CLDN16: variants seen among roughly 807,000 people sequenced by gnomAD.
CLDN16 encodes claudin-16.
In CLDN16, 13 loss-of-function variants were observed where a neutral mutation model predicts 24.6. The observed-to-expected ratio is 0.53, with a 90% CI of 0.34 to 0.84. The LOEUF is 0.84. CLDN16 is among the 40% of genes least tolerant of loss of function. The pLI is 0.01. For synonymous variants in CLDN16, 116 were observed against 106.7 expected (o/e 1.09, Z -0.54); for missense variants, 298 against 292.7 (o/e 1.02, Z -0.13).
the CLDN16 span, among the ~76,000 whole-genome samples, chr3:190,292,931 T>G: frequency 6.6e-6 from 1 of 152,200 alleles, no homozygotes; most frequent in Non-Finnish European, 1.5e-5. Context: ...TTCTGAGGCC[T>G]CCAAACTGTT....
chr3:190,324,123 A>T (rs1717004690), intron 1 of CLDN16, among the ~76,000 whole-genome samples: 1 of 151,406 alleles, frequency 6.6e-6, no homozygotes, highest in African/African-American at 2.4e-5. Flanking sequence ...TGAATCATAT[A>T]ATCTCATTTT....
the CLDN16 span, chr3:190,307,387 G>A: frequency 1.3e-5 from 2 of 152,122 alleles, no homozygotes; most frequent in South Asian, 4.1e-4. Context: ...AATCAATAAA[G>A]TTGTGTTACA....
At chr3:190,322,209 C>T (rs753210361), upstream of CLDN16, 19 of 1,613,102 alleles carry the variant, frequency 1.2e-5, 1 homozygote, top group South Asian at 6.6e-5. Context: ...TTGGCCATGA[C>T]TCGCTCGGGC....
upstream of CLDN16, chr3:190,322,532 C>G: frequency 2.3e-5 from 7 of 299,750 alleles, no homozygotes; most frequent in Admixed American, 5.0e-5. Context: ...GGTTTCAGGG[C>G]GGCTCACCGA....
At chr3:190,370,994 G>C (rs1380949822) in exon 2 of CLDN16, 1 of 141,928 alleles carries the variant, frequency 7.0e-6, no homozygotes, top group African/African-American at 2.6e-5. Context: ...GTGGGATCTT[G>C]TGATCATGTG....
At chr3:190,348,922 T>C (rs4686540) in intron 1 of CLDN16, among the ~76,000 whole-genome samples, 98,537 of 151,882 alleles carry the variant, frequency 0.65, 33,262 homozygotes, top group East Asian at 0.93. Flanking sequence ...TGATGTCTGG[T>C]TTTCTGTTTC....
the CLDN16 span, among the ~76,000 whole-genome samples, chr3:190,295,704 C>A: frequency 6.6e-6 from 1 of 152,166 alleles, no homozygotes; most frequent in African/African-American, 2.4e-5. Context: ...TTCTTTTTTA[C>A]AGGCCTCAAT....
chr3:190,315,434 T>C, the CLDN16 span, among the ~76,000 whole-genome samples: 4 of 152,170 alleles, frequency 2.6e-5, no homozygotes, highest in South Asian at 4.1e-4. Flanking sequence ...GCATATGTCA[T>C]GCAGAACTTC....
intron 1 of CLDN16, among the ~76,000 whole-genome samples, chr3:190,351,675 A>G (rs895216196): frequency 2.0e-5 from 3 of 152,122 alleles, no homozygotes; most frequent in Non-Finnish European, 4.4e-5. Context: ...ATATTAGCAG[A>G]TATTGGGCTG....
chr3:190,345,422 C>A (rs1371923996), intron 1 of CLDN16, among the ~76,000 whole-genome samples: 1 of 152,186 alleles, frequency 6.6e-6, no homozygotes. Context: ...TACTTCCTAT[C>A]AGGTTTGAAT....
At chr3:190,373,743 C>T (rs1718189611) in intron 2 of CLDN16, among the ~76,000 whole-genome samples, 1 of 151,630 alleles carries the variant, frequency 6.6e-6, no homozygotes, top group Non-Finnish European at 1.5e-5. Flanking sequence ...GCTCAGGACG[C>T]ATTTTTATTG....
chr3:190,291,864 A>T, the CLDN16 span, among the ~76,000 whole-genome samples: 35 of 152,350 alleles, frequency 2.3e-4, no homozygotes, highest in East Asian at 6.4e-3. Context: ...GGCAGTTATT[A>T]AATCTTAAAG....
intron 1 of CLDN16, among the ~76,000 whole-genome samples, chr3:190,361,408 G>A (rs931767451): frequency 2.0e-5 from 3 of 151,958 alleles, no homozygotes; most frequent in Admixed American, 1.3e-4. Context: ...AGCGTAGGCT[G>A]AACTAACCAA....
chr3:190,368,680 C>A (rs1718072743), intron 1 of CLDN16, among the ~76,000 whole-genome samples: 1 of 151,852 alleles, frequency 6.6e-6, no homozygotes, highest in African/African-American at 2.4e-5. Flanking sequence ...CTCCTATTTC[C>A]TGGATGGTTA....
chr3:190,354,607 T>C (rs539109906), intron 1 of CLDN16, among the ~76,000 whole-genome samples: 7 of 152,064 alleles, frequency 4.6e-5, no homozygotes, highest in Non-Finnish European at 1.0e-4. Context: ...ATTTCTACTT[T>C]TTAAAAGTGG....
At chr3:190,327,010 A>G (rs1717077711) in intron 1 of CLDN16, among the ~76,000 whole-genome samples, 2 of 152,178 alleles carry the variant, frequency 1.3e-5, no homozygotes, top group Admixed American at 1.3e-4. Context: ...GGAGTTCTCC[A>G]AAGAATAGAC....
chr3:190,312,776 G>C, the CLDN16 span: 14 of 1,398,056 alleles, frequency 1.0e-5, no homozygotes, highest in Non-Finnish European at 1.4e-5. Flanking sequence ...GTTTGCCTTA[G>C]AGACTGAAAT....
chr3:190,313,646 A>C, the CLDN16 span, among the ~76,000 whole-genome samples: 1 of 152,220 alleles, frequency 6.6e-6, no homozygotes, highest in Non-Finnish European at 1.5e-5. Context: ...AAAACTAAAC[A>C]AAATAACCTT....
intron 1 of CLDN16, among the ~76,000 whole-genome samples, chr3:190,330,351 C>A (rs926553329): frequency 6.6e-6 from 1 of 152,156 alleles, no homozygotes; most frequent in Non-Finnish European, 1.5e-5. Flanking sequence ...AACTGAGGCT[C>A]ACTCTCTGTG....
Sources: allele counts gnomAD v4.1 joint callset (sites outside exome capture counted in the v4.1 genomes callset), GRCh38; gene constraint gnomAD v4.1.1; transcripts MANE v1.5; gene names NCBI Gene and HGNC (gene_info 2026-07-23, HGNC 2026-07-21).